Variants in AKAP6 observed in about 807,000 individuals in gnomAD.
AKAP6 encodes A-kinase anchoring protein 6.
AKAP6 carries 58 observed loss-of-function variants against 188.5 expected under a neutral mutation model. The ratio of observed to expected loss-of-function variants is 0.31; its 90% CI spans 0.25 to 0.38. AKAP6 has a LOEUF of 0.38. Ranked by LOEUF, AKAP6 falls within the 10% of genes least tolerant of loss-of-function variation. The pLI, the probability that AKAP6 is intolerant of heterozygous loss-of-function variation, is 1.00. For missense variants in AKAP6, 2,710 were observed against 2,740.0 expected (o/e 0.99, Z 0.24); for synonymous variants, 989 against 998.6 (o/e 0.99, Z 0.18).
At chr14:32,454,704 C>CTTCT (rs1566512159) in intron 2 of AKAP6, among the ~76,000 whole-genome samples, 1 of 50,124 alleles carries the variant, frequency 2.0e-5, no homozygotes. Context: ...TCCCTCCCTC[C>CTTCT]CTCCTTCCCT....
chr14:32,423,980 A>G (rs1352770449), intron 1 of AKAP6, among the ~76,000 whole-genome samples: 1 of 152,156 alleles, frequency 6.6e-6, no homozygotes, highest in Admixed American at 6.6e-5. Flanking sequence ...ATTTTGATCC[A>G]AAAGTCAAAC....
chr14:32,482,989 GTATATA>G (rs199759517), intron 2 of AKAP6, among the ~76,000 whole-genome samples: 36 of 84,364 alleles, frequency 4.3e-4, no homozygotes, highest in Admixed American at 8.9e-4. Context: ...GTGTGTGTGT[GTATATA>G]TATATATATA....
At chr14:32,667,942 G>A (rs901934364) in intron 7 of AKAP6, among the ~76,000 whole-genome samples, 2 of 152,054 alleles carry the variant, frequency 1.3e-5, no homozygotes, top group Admixed American at 6.6e-5. Flanking sequence ...TTGTACTTAG[G>A]AAGGAAGTGC....
intron 12 of AKAP6, among the ~76,000 whole-genome samples, chr14:32,802,076 T>C (rs1176041441): frequency 2.0e-5 from 3 of 152,230 alleles, no homozygotes; most frequent in Non-Finnish European, 4.4e-5. Flanking sequence ...TTCTACTCCA[T>C]CCTTTCTTTG....
intron 12 of AKAP6, among the ~76,000 whole-genome samples, chr14:32,780,157 C>CATATATATATATATATATACATATATAT (rs59506546): frequency 8.4e-6 from 1 of 119,346 alleles, no homozygotes; most frequent in African/African-American, 3.2e-5. Context: ...AAAAAAAAAA[C>CATATATATATATATATATACATATATAT]ATATATATAT....
chr14:32,544,495 C>T (rs925337893), intron 3 of AKAP6, among the ~76,000 whole-genome samples: 2 of 152,010 alleles, frequency 1.3e-5, no homozygotes, highest in African/African-American at 4.8e-5. Flanking sequence ...TCAGCCTATC[C>T]AGAATTATGA....
At chr14:32,791,077 A>G (rs2033594424) in intron 12 of AKAP6, among the ~76,000 whole-genome samples, 2 of 152,186 alleles carry the variant, frequency 1.3e-5, no homozygotes, top group Non-Finnish European at 1.5e-5. Flanking sequence ...TGCAATAAAC[A>G]TATGTGTGCT....
chr14:32,636,130 C>A (rs1221101454), intron 7 of AKAP6, among the ~76,000 whole-genome samples: 1 of 151,998 alleles, frequency 6.6e-6, no homozygotes, highest in African/African-American at 2.4e-5. Context: ...ACATTTTAAA[C>A]CAAAAATCTA....
At chr14:32,369,975 G>A (rs1887956531) in intron 1 of AKAP6, among the ~76,000 whole-genome samples, 1 of 152,186 alleles carries the variant, frequency 6.6e-6, no homozygotes, top group Admixed American at 6.5e-5. Flanking sequence ...AGGTTGCAGT[G>A]AGCTGAGACC....
At chr14:32,557,281 T>C (rs1328345217) in intron 4 of AKAP6, among the ~76,000 whole-genome samples, 2 of 152,150 alleles carry the variant, frequency 1.3e-5, no homozygotes, top group Non-Finnish European at 2.9e-5. Flanking sequence ...GTATTTTTTG[T>C]AGAGACAACA....
At chr14:32,707,275 G>A (rs573748254) in intron 9 of AKAP6, among the ~76,000 whole-genome samples, 1 of 152,158 alleles carries the variant, frequency 6.6e-6, no homozygotes, top group South Asian at 2.1e-4. Flanking sequence ...TTTAAATCAT[G>A]CATATATAAA....
Position 32,576,423 on chromosome 14 carries a change from A to G in AKAP6, c.2347-697A>G, listed in dbSNP as rs567754486. On this transcript the variant is annotated intron_variant, in intron 4 of 13. Coordinates refer to ENST00000280979, the MANE Select transcript of AKAP6 (RefSeq NM_004274.5). ...TCTAAATGGCCAATAAAATTTTATAACCACTATTTGAAAAATTGCAAGGTT... is the reference window on the plus strand; with the variant it reads ...TCTAAATGGCCAATAAAATTTTATAGCCACTATTTGAAAAATTGCAAGGTT... 3.3e-5 allele frequency among the ~76,000 whole-genome samples: 5 copies of G among 152,252 alleles called. No homozygotes were observed. The South Asian group carries it at 6.2e-4, about 19-fold the overall frequency.
At chr14:32,678,503 T>C (rs778969058) in intron 8 of AKAP6, 44 bp downstream of exon 8, 1 of 1,605,222 alleles carries the variant, frequency 6.2e-7, no homozygotes, top group South Asian at 1.1e-5. Flanking sequence ...ACTAATCTAT[T>C]TTTTCAATGA....
intron 11 of AKAP6, among the ~76,000 whole-genome samples, chr14:32,751,217 G>T (rs140692857): frequency 6.6e-6 from 1 of 151,762 alleles, no homozygotes; most frequent in East Asian, 1.9e-4. Flanking sequence ...CTGGCTATTG[G>T]ATCATCTTCT....
At chr14:32,762,408 T>G (rs1238717382) in intron 11 of AKAP6, among the ~76,000 whole-genome samples, 1 of 152,144 alleles carries the variant, frequency 6.6e-6, no homozygotes, top group Non-Finnish European at 1.5e-5. Flanking sequence ...TAATTACATG[T>G]GAATATGAAC....
intron 8 of AKAP6, 109 bp from the exon 9 acceptor site, chr14:32,695,881 G>T: frequency 1.5e-6 from 2 of 1,327,482 alleles, no homozygotes; most frequent in Non-Finnish European, 2.0e-6. Flanking sequence ...TTCTCTTATT[G>T]TAGATAACAC....
intron 12 of AKAP6, among the ~76,000 whole-genome samples, chr14:32,790,576 T>C (rs2033577508): frequency 6.6e-6 from 1 of 152,194 alleles, no homozygotes; most frequent in Non-Finnish European, 1.5e-5. Context: ...TTCAACATTC[T>C]TAAAGAAAAT....
intron 11 of AKAP6, among the ~76,000 whole-genome samples, chr14:32,765,176 G>A (rs1308296887): frequency 2.0e-5 from 3 of 151,844 alleles, no homozygotes; most frequent in Non-Finnish European, 4.4e-5. Flanking sequence ...CTCGTGATCC[G>A]CCTGCCTCAG....
chr14:32,497,929 A>G (rs1187400073), intron 2 of AKAP6, among the ~76,000 whole-genome samples: 3 of 152,010 alleles, frequency 2.0e-5, no homozygotes, highest in Non-Finnish European at 2.9e-5. Flanking sequence ...TCTGAAATTT[A>G]CTTTTTCTCA....
Sources: allele counts gnomAD v4.1 joint callset (sites outside exome capture counted in the v4.1 genomes callset), GRCh38; gene constraint gnomAD v4.1.1; transcripts MANE v1.5; gene names NCBI Gene and HGNC (gene_info 2026-07-23, HGNC 2026-07-21).